The following NRXN1 variants were observed in gnomAD, a reference collection of about 807,000 sequenced individuals.
NRXN1 encodes neurexin 1, also known as neurexin-1.
A neutral mutation model predicts 150.9 loss-of-function variants in NRXN1; 39 were observed. The observed-to-expected ratio is 0.26, with a 90% CI of 0.20 to 0.34. NRXN1 has a LOEUF of 0.34. NRXN1 is among the 10% of genes least tolerant of loss of function. NRXN1 has a pLI of 1.00. For missense variants in NRXN1, 1,815 were observed against 1,949.9 expected (o/e 0.93, Z 1.30); for synonymous variants, 924 against 757.0 (o/e 1.22, Z -3.62).
intron 2 of NRXN1, among the ~76,000 whole-genome samples, chr2:50,992,131 T>G (rs1360120806): frequency 6.6e-6 from 1 of 151,968 alleles, no homozygotes; most frequent in Non-Finnish European, 1.5e-5. Context: ...AACCTGGCTG[T>G]TTTCTATTCA....
At chr2:50,819,344 T>A (rs67090318) in intron 5 of NRXN1, among the ~76,000 whole-genome samples, 25,936 of 152,132 alleles carry the variant, frequency 0.17, 2,428 homozygotes, top group Non-Finnish European at 0.2. Context: ...AATATTATTC[T>A]TCCTTAGAGA....
chr2:50,737,490 G>A lies in NRXN1; in HGVS notation c.833-113875C>T, dbSNP rs543458089. Among the ~76,000 whole-genome samples, 3 of 152,246 alleles carry A rather than the reference G, an allele frequency of 2.0e-5. No individual in the cohort carries two copies. In the East Asian group the frequency reaches 5.8e-4, roughly 29 times the overall value. ...AAAAGTTAAGTAACTTTCTCAAAGT[G>A]TTTTAAAATGTAAATGATAGAGCTG... On this transcript the variant is annotated intron_variant, in intron 5 of 22. Coordinates refer to ENST00000401669, the MANE Select transcript of NRXN1 (RefSeq NM_001330078.2).
intron 16 of NRXN1, 75 bp from the exon 17 acceptor site, chr2:50,465,636 TGTA>T (rs1392604108): frequency 1.3e-4 from 190 of 1,458,452 alleles, no homozygotes; most frequent in Non-Finnish European, 1.6e-4. Flanking sequence ...CTAGATCACA[TGTA>T]GTAGTTGCCA....
At chr2:50,023,063 C>T (rs941449797) in intron 21 of NRXN1, 1 of 152,178 alleles carries the variant, frequency 6.6e-6, no homozygotes, top group Non-Finnish European at 1.5e-5. Context: ...CAAGAATGCA[C>T]TGAAGATAGT....
intron 5 of NRXN1, among the ~76,000 whole-genome samples, chr2:50,782,610 G>T (rs752038646): frequency 6.6e-6 from 1 of 152,140 alleles, no homozygotes; most frequent in Admixed American, 6.6e-5. Flanking sequence ...AAAGAAAAAA[G>T]TTGTATAACA....
intron 17 of NRXN1, among the ~76,000 whole-genome samples, chr2:50,375,613 T>G (rs1201934915): frequency 1.3e-5 from 2 of 150,836 alleles, no homozygotes; most frequent in Non-Finnish European, 2.9e-5. Context: ...TATCTTTGTA[T>G]GTGAAAGTAA....
In NRXN1 at chr2:50,891,204, T is replaced by C. The variant is rs547339301; in HGVS notation, c.832+30665A>G. Among the ~76,000 whole-genome samples, 15 of 152,130 alleles carry C rather than the reference T, an allele frequency of 9.9e-5. 1 individual carries two copies. In the South Asian group the frequency reaches 1.5e-3, roughly 15 times the overall value. ...TGTCTTTCAATAGTAAATGAAGAAG[T>C]AGGCCAAGTGAACCATGATATGATG... On this transcript the variant is annotated intron_variant, in intron 5 of 22. Coordinates refer to ENST00000401669, the MANE Select transcript of NRXN1 (RefSeq NM_001330078.2).
chr2:50,534,973 A>T (rs2093217471), intron 10 of NRXN1, among the ~76,000 whole-genome samples: 1 of 152,218 alleles, frequency 6.6e-6, no homozygotes. Flanking sequence ...GCAGGACTGA[A>T]ATAACATAGT....
At chr2:50,019,641 C>CAAAAAAAA (rs764073226) in intron 21 of NRXN1, among the ~76,000 whole-genome samples, 1,311 of 25,400 alleles carry the variant, frequency 0.052, 171 homozygotes, top group African/African-American at 0.1. Flanking sequence ...GATTCCGTCT[C>CAAAAAAAA]AAAAAAAAAA....
intron 5 of NRXN1, among the ~76,000 whole-genome samples, chr2:50,887,326 T>C (rs931742375): frequency 5.3e-5 from 8 of 151,484 alleles, no homozygotes; most frequent in East Asian, 1.9e-4. Context: ...AGCTAAATAT[T>C]TGCAAAAGGA....
At chr2:50,172,845 T>TA (rs2060113550) in intron 18 of NRXN1, among the ~76,000 whole-genome samples, 1 of 152,154 alleles carries the variant, frequency 6.6e-6, no homozygotes, top group Non-Finnish European at 1.5e-5. Context: ...TGGGCGCCTG[T>TA]AGTCCCAGCC....
chr2:50,144,034 T>A (rs2152763308), intron 18 of NRXN1, among the ~76,000 whole-genome samples: 1 of 152,060 alleles, frequency 6.6e-6, no homozygotes, highest in South Asian at 2.1e-4. Context: ...GCTACTGAAA[T>A]AATCTTGGTT....
chr2:50,067,823 T>C (rs1445393891), intron 19 of NRXN1, among the ~76,000 whole-genome samples: 1 of 152,222 alleles, frequency 6.6e-6, no homozygotes, highest in East Asian at 1.9e-4. Flanking sequence ...AATCATAATG[T>C]CATAACATTT....
Position 50,560,422 on chromosome 2 carries a change from A to ATGTTTGTT in NRXN1, c.1321-7398_1321-7397insAACAAACA, listed in dbSNP as rs71404964. Among the ~76,000 whole-genome samples, 197 of 140,606 alleles carry ATGTTTGTT rather than the reference A, an allele frequency of 1.4e-3. 4 individuals carry two copies. Among genetic ancestry groups the ATGTTTGTT allele is most frequent in the East Asian group, 0.014 (64 of 4,698 alleles). The allele number at this position is 140,606 out of a possible 152,430, so 92.2% of individuals were successfully genotyped here. A position where few individuals can be genotyped will look rare whatever the true frequency, so the allele number is the denominator to read the frequency against. Reference sequence around the variant, plus strand: ...AGCCCTGTACAAAGTAGTCTGATGTATGTTTATTTATTTATTTATTTATTT... The same window carrying ATGTTTGTT: ...AGCCCTGTACAAAGTAGTCTGATGTATGTTTGTTTGTTTATTTATTTATTTATTTATTT... On this transcript the variant is annotated intron_variant, in intron 8 of 22. Coordinates refer to ENST00000401669, the MANE Select transcript of NRXN1 (RefSeq NM_001330078.2).
At chr2:50,662,460 T>A in intron 5 of NRXN1, among the ~76,000 whole-genome samples, 1 of 152,062 alleles carries the variant, frequency 6.6e-6, no homozygotes, top group East Asian at 1.9e-4. Flanking sequence ...CTAATTAATA[T>A]ATTAGAAGGG....
chr2:50,812,784 GA>G (rs1263119873), intron 5 of NRXN1, among the ~76,000 whole-genome samples: 1 of 148,980 alleles, frequency 6.7e-6, no homozygotes, highest in African/African-American at 2.5e-5. Context: ...TAAACTTTGA[GA>G]GGGGAAAGAG....
At chr2:50,687,196 C>T (rs191775670) in intron 5 of NRXN1, among the ~76,000 whole-genome samples, 107 of 152,180 alleles carry the variant, frequency 7.0e-4, no homozygotes, top group African/African-American at 2.5e-3. Context: ...ATTAGTAATA[C>T]CTCATTTACC....
At position 50,809,210 on chromosome 2, in the gene NRXN1, T is replaced by G. The variant is rs969306723; in HGVS notation, c.832+112659A>C. The stretch of plus-strand genomic sequence containing the variant: ...TGAGCTAGGTGTAGCCTTGAGGACT[T>G]AGTAAAAGTCCTCAAAGGAAACTTA... On this transcript the variant is annotated intron_variant, in intron 5 of 22. Coordinates refer to ENST00000401669, the MANE Select transcript of NRXN1 (RefSeq NM_001330078.2). 2.0e-5 allele frequency among the ~76,000 whole-genome samples: 3 copies of G among 152,056 alleles called. No homozygotes were observed. The East Asian group carries it at 5.8e-4, about 29-fold the overall frequency.
At chr2:50,550,973 G>A (rs1475513718) in intron 9 of NRXN1, among the ~76,000 whole-genome samples, 1 of 151,474 alleles carries the variant, frequency 6.6e-6, no homozygotes, top group Non-Finnish European at 1.5e-5. Context: ...GAGCCACCGC[G>A]CCCAGCCTCT....
Sources: allele counts gnomAD v4.1 joint callset (sites outside exome capture counted in the v4.1 genomes callset), GRCh38; gene constraint gnomAD v4.1.1; transcripts MANE v1.5; gene names NCBI Gene and HGNC (gene_info 2026-07-23, HGNC 2026-07-21).